TXLNB: variants seen among roughly 807,000 people sequenced by gnomAD.
The protein encoded by TXLNB is beta-taxilin.
A neutral mutation model predicts 57.4 loss-of-function variants in TXLNB; 37 were observed. The ratio of observed to expected loss-of-function variants is 0.64; its 90% confidence interval spans 0.50 to 0.85. The LOEUF (loss-of-function observed/expected upper bound fraction) is 0.85, where lower values mean the gene tolerates loss of function less well. Ranked by LOEUF, TXLNB falls within the 40% of genes least tolerant of loss-of-function variation. The pLI is 0.00. For missense variants in TXLNB, 848 were observed against 825.6 expected (o/e 1.03, Z -0.33); for synonymous variants, 302 against 309.6 (o/e 0.98, Z 0.26).
chr6:139,237,116 C>T (rs181402886), downstream of TXLNB, among the ~76,000 whole-genome samples: 3 of 152,256 alleles, frequency 2.0e-5, no homozygotes, highest in East Asian at 1.9e-4. Context: ...AATAGTCTTA[C>T]GGTTTTATCT....
In TXLNB at chr6:139,288,892, G is replaced by A. The variant is rs1213622560; in HGVS notation, c.8C>T (p.Ala3Val). ...CGCTGAGAGCTGTTCAGAGTGATTA[G>A]CCTCCATCTTGGGAGTAGTATCTAG... ME[A>V]NHSEQLSAER... The change falls in exon 2 of 10, where the codon GCT becomes GTT. Residue 3 changes from alanine (A) to valine (V), a missense_variant. Ala to Val is a moderately conservative substitution (Grantham distance 64, BLOSUM62 0). Coordinates refer to ENST00000358430, the MANE Select transcript of TXLNB (RefSeq NM_153235.4). 3 of 1,611,550 alleles carry A rather than the reference G, an allele frequency of 1.9e-6. No individual in the cohort carries two copies. In the African/African-American group the frequency reaches 4.0e-5, roughly 21 times the overall value.
At chr6:139,220,306 T>TC in the TXLNB span, among the ~76,000 whole-genome samples, 1 of 152,228 alleles carries the variant, frequency 6.6e-6, no homozygotes, top group Admixed American at 6.5e-5. Flanking sequence ...AGCCACCCCG[T>TC]CTATGGTATT....
At chr6:139,213,679 G>T in the TXLNB span, among the ~76,000 whole-genome samples, 2 of 152,124 alleles carry the variant, frequency 1.3e-5, no homozygotes, top group African/African-American at 4.8e-5. Flanking sequence ...AAAAATCAAT[G>T]AATCCAGGAG....
the TXLNB span, among the ~76,000 whole-genome samples, chr6:139,192,533 A>C: frequency 6.6e-6 from 1 of 152,210 alleles, no homozygotes; most frequent in African/African-American, 2.4e-5. Flanking sequence ...ATATATACCA[A>C]GTGTCTAGAA....
the TXLNB span, among the ~76,000 whole-genome samples, chr6:139,161,373 A>G: frequency 6.6e-6 from 1 of 152,124 alleles, no homozygotes; most frequent in African/African-American, 2.4e-5. Context: ...AGGGCTGGCA[A>G]GTTGGAGTGG....
At chr6:139,318,820 T>C in the TXLNB span, among the ~76,000 whole-genome samples, 219 of 152,324 alleles carry the variant, frequency 1.4e-3, no homozygotes, top group African/African-American at 5.1e-3. Context: ...TAGCAATCTC[T>C]ATAAATATTA....
At chr6:139,313,392 G>A in the TXLNB span, among the ~76,000 whole-genome samples, 2 of 151,796 alleles carry the variant, frequency 1.3e-5, no homozygotes, top group Non-Finnish European at 2.9e-5. Context: ...TTTTTAATCT[G>A]TCTTTTGTTA....
At chr6:139,258,581 C>A (rs1465682459) in intron 6 of TXLNB, among the ~76,000 whole-genome samples, 3 of 152,090 alleles carry the variant, frequency 2.0e-5, no homozygotes, top group African/African-American at 7.2e-5. Flanking sequence ...CTTTTTGTTG[C>A]CATGTTTGAA....
the TXLNB span, among the ~76,000 whole-genome samples, chr6:139,175,409 TAAAG>T: frequency 6.6e-6 from 1 of 152,240 alleles, no homozygotes; most frequent in Non-Finnish European, 1.5e-5. Flanking sequence ...TTGATTTTTG[TAAAG>T]AGAGTATCTT....
the TXLNB span, among the ~76,000 whole-genome samples, chr6:139,168,424 AG>A: frequency 7.1e-6 from 1 of 139,948 alleles, no homozygotes; most frequent in Non-Finnish European, 1.6e-5. Context: ...TGATTTGCAT[AG>A]TTTTTTTTTT....
chr6:139,218,217 G>C, the TXLNB span, among the ~76,000 whole-genome samples: 1 of 152,154 alleles, frequency 6.6e-6, no homozygotes, highest in African/African-American at 2.4e-5. Flanking sequence ...ACATAAGCAA[G>C]TACAAGTACG....
At position 139,263,479 on chromosome 6, in the gene TXLNB, A is replaced by G. The variant is rs376729432; in HGVS notation, c.688-706T>C. 5.3e-5 allele frequency among the ~76,000 whole-genome samples: 8 copies of G among 152,350 alleles called. No homozygotes were observed. The East Asian group carries it at 1.5e-3, about 29-fold the overall frequency. On this transcript the variant is annotated intron_variant, in intron 4 of 9. Transcript: ENST00000358430. ...TGTAAATTTTGAATCTGAAAGCAAT[A>G]TTAAGTTTCAAATCTTCTTTAACTC...
upstream of TXLNB, among the ~76,000 whole-genome samples, chr6:139,295,370 G>A (rs568903153): frequency 6.6e-5 from 10 of 152,272 alleles, no homozygotes; most frequent in South Asian, 4.1e-4. Flanking sequence ...CAAATTACAC[G>A]TCTAAGGCTT....
rs1404603965 is a variant in TXLNB, at chr6:139,262,629, GCT to G, written c.830_831del (p.Glu277AlafsTer13). The G allele has an allele frequency of 3.1e-6, 5 of 1,614,120 alleles. No individual in the cohort carries two copies. The South Asian group carries it at 4.4e-5, about 14-fold the overall frequency. On this transcript the variant is annotated frameshift_variant, in exon 5 of 10. Coordinates refer to ENST00000358430, the MANE Select transcript of TXLNB (RefSeq NM_153235.4). LOFTEE classifies it high-confidence loss of function. ...RNMKLCQENT[E>X]LAEKLKSIID... Reference sequence around the variant, plus strand: ...ATGATGCTTTTCAGCTTTTCTGCAAGCTCTGTGTTCTCCTGACAGAGCTTCAT... The same window carrying G: ...ATGATGCTTTTCAGCTTTTCTGCAAGCTGTGTTCTCCTGACAGAGCTTCAT...
At chr6:139,228,800 T>C in the TXLNB span, among the ~76,000 whole-genome samples, 1 of 152,240 alleles carries the variant, frequency 6.6e-6, no homozygotes, top group Admixed American at 6.5e-5. Context: ...AGATAACGTA[T>C]GAATAAAATT....
At chr6:139,182,457 A>T in the TXLNB span, among the ~76,000 whole-genome samples, 1 of 152,138 alleles carries the variant, frequency 6.6e-6, no homozygotes, top group East Asian at 1.9e-4. Flanking sequence ...GAAAATTGTT[A>T]CTTCTTATTG....
the TXLNB span, among the ~76,000 whole-genome samples, chr6:139,318,483 G>A: frequency 4.2e-3 from 631 of 150,376 alleles, 11 homozygotes; most frequent in African/African-American, 0.014. Flanking sequence ...TTCCAAAACT[G>A]ACACAAGATA....
intron 5 of TXLNB, 82 bp downstream of exon 5, chr6:139,262,497 C>G: frequency 7.9e-7 from 1 of 1,265,404 alleles, no homozygotes. Context: ...CTGGCTGTAA[C>G]TGTCTTATTA....
the TXLNB span, among the ~76,000 whole-genome samples, chr6:139,221,122 G>A: frequency 1.3e-5 from 2 of 152,178 alleles, no homozygotes; most frequent in African/African-American, 4.8e-5. Context: ...GTAACATTGG[G>A]ACTGGTTTTC....
Sources: gnomAD v4.1 joint callset for allele counts (sites outside exome capture counted in the v4.1 genomes callset) on GRCh38, gnomAD v4.1.1 for gene constraint, MANE v1.5 for transcripts, NCBI Gene and HGNC (gene_info 2026-07-23, HGNC 2026-07-21) for gene names.